The following CCDC171 variants were observed in gnomAD, a reference collection of about 807,000 sequenced individuals.
CCDC171 encodes coiled-coil domain containing 171.
In CCDC171, 177 loss-of-function variants were observed where a neutral mutation model predicts 168.2. That is an observed-to-expected ratio of 1.05 (90% CI 0.93 to 1.19). CCDC171 has a LOEUF of 1.19. Among genes scored for constraint, CCDC171 ranks in the 50% most tolerant of loss-of-function variants. The probability of loss-of-function intolerance (pLI) is 0.00; values close to 1 mark genes in which losing one functional copy is unlikely to be tolerated. For synonymous variants in CCDC171, 687 were observed against 540.8 expected (o/e 1.27, Z -3.75); for missense variants, 1,991 against 1,539.0 (o/e 1.29, Z -4.91).
chr9:15,987,522 A>G (rs1832030933), intron 3 of CCDC171, among the ~76,000 whole-genome samples: 1 of 152,246 alleles, frequency 6.6e-6, no homozygotes, highest in African/African-American at 2.4e-5. Flanking sequence ...GATTTGAAAC[A>G]TCAGTTCCCA....
chr9:15,580,691 C>G (rs1421909837), intron 4 of CCDC171, among the ~76,000 whole-genome samples: 2 of 152,178 alleles, frequency 1.3e-5, no homozygotes, highest in South Asian at 2.1e-4. Flanking sequence ...TACCACCTTA[C>G]TACTGCAAGA....
intron 25 of CCDC171, among the ~76,000 whole-genome samples, chr9:15,965,038 C>T (rs1156579798): frequency 6.6e-6 from 1 of 152,168 alleles, no homozygotes; most frequent in Non-Finnish European, 1.5e-5. Context: ...GCTGGGATTA[C>T]AGGCGTGAGC....
chr9:15,748,412 G>A (rs148650238), intron 18 of CCDC171, among the ~76,000 whole-genome samples: 2,649 of 152,180 alleles, frequency 0.017, 94 homozygotes, highest in African/African-American at 0.06. Context: ...GGATATTATC[G>A]AGGAGAACTT....
chr9:16,055,518 T>C (rs1047474500), intron 1 of CCDC171, among the ~76,000 whole-genome samples: 13 of 151,992 alleles, frequency 8.6e-5, no homozygotes, highest in Non-Finnish European at 1.5e-5. Flanking sequence ...CTGTGTGGGG[T>C]CCTTTCATGT....
chr9:15,990,514 C>G (rs1832152957), intron 3 of CCDC171, among the ~76,000 whole-genome samples: 1 of 152,168 alleles, frequency 6.6e-6, no homozygotes, highest in South Asian at 2.1e-4. Context: ...GAAACTGCAA[C>G]AACTAACGAG....
At chr9:15,664,610 C>A (rs2048587599) in intron 8 of CCDC171, among the ~76,000 whole-genome samples, 1 of 72,776 alleles carries the variant, frequency 1.4e-5, no homozygotes, top group Non-Finnish European at 2.8e-5. Flanking sequence ...TGTTTTGTAG[C>A]CTTTTTACAG....
At chr9:16,012,688 G>T (rs1175608678) in intron 3 of CCDC171, among the ~76,000 whole-genome samples, 1 of 151,800 alleles carries the variant, frequency 6.6e-6, no homozygotes, top group Admixed American at 6.6e-5. Context: ...AAATGAGAAT[G>T]ATTTTAGTTC....
At chr9:15,592,475 A>G (rs2042071674) in intron 5 of CCDC171, among the ~76,000 whole-genome samples, 1 of 152,224 alleles carries the variant, frequency 6.6e-6, no homozygotes, top group African/African-American at 2.4e-5. Context: ...AAAAGCATTT[A>G]AAAACTGTAA....
At chr9:16,058,144 T>G (rs1318174139) in intron 1 of CCDC171, among the ~76,000 whole-genome samples, 1 of 151,476 alleles carries the variant, frequency 6.6e-6, no homozygotes, top group Non-Finnish European at 1.5e-5. Context: ...AAATGAAGAG[T>G]AGCTCTTGTC....
intron 21 of CCDC171, among the ~76,000 whole-genome samples, chr9:15,790,685 G>C (rs1276604443): frequency 6.6e-6 from 1 of 152,158 alleles, no homozygotes; most frequent in East Asian, 1.9e-4. Context: ...CCTATGTCCT[G>C]AATGGTATTG....
intron 24 of CCDC171, among the ~76,000 whole-genome samples, chr9:15,904,418 A>C (rs1358445662): frequency 1.3e-5 from 2 of 152,108 alleles, no homozygotes; most frequent in Admixed American, 6.6e-5. Context: ...TATCCAGCCA[A>C]ACTAAGCTTC....
chr9:15,756,235 A>G (rs2056106449), intron 18 of CCDC171, among the ~76,000 whole-genome samples: 1 of 152,230 alleles, frequency 6.6e-6, no homozygotes, highest in Non-Finnish European at 1.5e-5. Flanking sequence ...CTCCACATCT[A>G]CTGCCCCACC....
chr9:15,646,010 A>G (rs1013584597), intron 7 of CCDC171, among the ~76,000 whole-genome samples: 1 of 152,224 alleles, frequency 6.6e-6, no homozygotes, highest in Non-Finnish European at 1.5e-5. Flanking sequence ...AGGTCGGGTT[A>G]CCCACAAAGG....
At chr9:15,611,108 T>G (rs2043651385) in intron 6 of CCDC171, among the ~76,000 whole-genome samples, 1 of 152,130 alleles carries the variant, frequency 6.6e-6, no homozygotes, top group South Asian at 2.1e-4. Flanking sequence ...CATTTAAAAG[T>G]GTGTAGCGCC....
intron 9 of CCDC171, among the ~76,000 whole-genome samples, chr9:15,671,038 G>A (rs2049069693): frequency 6.6e-6 from 1 of 152,148 alleles, no homozygotes; most frequent in South Asian, 2.1e-4. Flanking sequence ...GCTGCAGTGA[G>A]CTATGATCAT....
At chr9:15,645,108 C>T (rs1311106127) in intron 7 of CCDC171, among the ~76,000 whole-genome samples, 13 of 152,176 alleles carry the variant, frequency 8.5e-5, no homozygotes, top group South Asian at 2.1e-4. Context: ...CTGCAGCTTC[C>T]GCTGCTGATA....
chr9:15,984,507 A>G (rs1289228651), intron 3 of CCDC171, among the ~76,000 whole-genome samples: 2 of 152,156 alleles, frequency 1.3e-5, no homozygotes, highest in South Asian at 4.1e-4. Flanking sequence ...TAAGTGTATT[A>G]TCTTTGATCC....
At chr9:16,093,106 A>G in the CCDC171 span, among the ~76,000 whole-genome samples, 1 of 152,240 alleles carries the variant, frequency 6.6e-6, no homozygotes, top group Admixed American at 6.5e-5. Flanking sequence ...AACCAGACAC[A>G]ACACACCCAG....
At chr9:15,728,712 C>T (rs921002591) in intron 15 of CCDC171, among the ~76,000 whole-genome samples, 1 of 151,954 alleles carries the variant, frequency 6.6e-6, no homozygotes, top group African/African-American at 2.4e-5. Flanking sequence ...CAACATATGC[C>T]ACCATTAAAG....
Sources: allele counts gnomAD v4.1 joint callset (sites outside exome capture counted in the v4.1 genomes callset), GRCh38; gene constraint gnomAD v4.1.1; transcripts MANE v1.5; gene names NCBI Gene and HGNC (gene_info 2026-07-23, HGNC 2026-07-21).